The following MYO7B variants were observed in gnomAD, a reference collection of about 807,000 sequenced individuals.
The protein encoded by MYO7B is myosin VIIB.
MYO7B carries 212 observed loss-of-function variants against 259.7 expected under a neutral mutation model. The observed-to-expected ratio is 0.82, with a 90% confidence interval of 0.73 to 0.91. The LOEUF is 0.91. Among genes scored for constraint, MYO7B ranks in the 40% least tolerant of loss-of-function variants. The pLI is 0.00. For missense variants in MYO7B, 2,732 were observed against 2,813.5 expected, an observed-to-expected ratio of 0.97 and a Z score of 0.66; for synonymous variants, 1,197 against 1,166.4, an observed-to-expected ratio of 1.03 and a Z score of -0.54.
At chr2:127,555,865 C>T (rs1693614824) in intron 1 of MYO7B, among the ~76,000 whole-genome samples, 1 of 152,130 alleles carries the variant, frequency 6.6e-6, no homozygotes, top group East Asian at 1.9e-4. Context: ...ATAGAATGTA[C>T]ATTCTGTGGT....
Position 127,636,797 on chromosome 2 carries a change from C to T in MYO7B, c.6211C>T (p.Leu2071=), listed in dbSNP as rs77550275. Residue 2071 remains leucine (L), a synonymous_variant, in exon 47 of 48, where the codon CTG becomes TTG. Coordinates refer to ENST00000409816, the MANE Select transcript of MYO7B (RefSeq NM_001393586.1). The surrounding 1 kb of genome is among the most constrained non-coding windows in gnomAD (Gnocchi z 4.5). The part of the protein sequence containing the change: ...VLLIHPKTKD[L]LTTYPFTKIS... ...CACCCACCCTCTCTGCCCCCAGGACCTGCTCACCACCTATCCCTTCACCAA... is the reference window on the plus strand; with the variant it reads ...CACCCACCCTCTCTGCCCCCAGGACTTGCTCACCACCTATCCCTTCACCAA... 6.2e-7 allele frequency: 1 copy of T among 1,613,656 alleles called. No homozygotes were observed. Among genetic ancestry groups the T allele is most frequent in the Non-Finnish European group, 8.5e-7 (1 of 1,179,874 alleles).
intron 1 of MYO7B, among the ~76,000 whole-genome samples, chr2:127,553,894 T>C (rs966776868): frequency 2.6e-5 from 4 of 152,156 alleles, no homozygotes; most frequent in Non-Finnish European, 5.9e-5. Context: ...GGCTGTGGAT[T>C]TGTCATAGAT....
rs745655994 is a variant in MYO7B, at chr2:127,636,664, C to T, written c.6207+36C>T. ...GGCCTCCGGAGGGGCTGGGGGCCAC[C>T]AGGTCCAGGGACCTGTGCAGGTGGG... On this transcript the variant is annotated intron_variant, in intron 46 of 47. Coordinates refer to ENST00000409816, the MANE Select transcript of MYO7B (RefSeq NM_001393586.1). The surrounding 1 kb of genome is among the most constrained non-coding windows in gnomAD (Gnocchi z 4.5). 1.2e-6 allele frequency: 2 copies of T among 1,607,608 alleles called. No individual in the cohort carries two copies. The highest frequency in any genetic ancestry group is 1.7e-6 in the Non-Finnish European group (2 of 1,176,962).
chr2:127,543,986 C>A (rs2104798387), intron 1 of MYO7B, among the ~76,000 whole-genome samples: 1 of 152,154 alleles, frequency 6.6e-6, no homozygotes, highest in South Asian at 2.1e-4. Context: ...ACCTCGTGAT[C>A]TGCCTGCCTC....
Position 127,631,668 on chromosome 2 carries a change from A to G in MYO7B, c.5164A>G (p.Ile1722Val). The change falls in exon 38 of 48, where the codon ATC becomes GTC. Residue 1722 changes from isoleucine (I) to valine (V), a missense_variant. Ile to Val is a conservative substitution (Grantham distance 29). Transcript: ENST00000409816. ...AWPTLELTDQ[I>V]FTLALQHPAL... ...GCCCACCCTGGAGCTCACCGACCAGATCTTCACACTGGCCCTGCAGCACCC... is the reference window on the plus strand; with the variant it reads ...GCCCACCCTGGAGCTCACCGACCAGGTCTTCACACTGGCCCTGCAGCACCC... The G allele has an allele frequency of 6.2e-7, 1 of 1,613,066 alleles. No individual in the cohort carries two copies. The highest frequency in any genetic ancestry group is 8.5e-7 in the Non-Finnish European group (1 of 1,179,866).
rs771073653 is a variant in MYO7B at position 127,584,328 on chromosome 2, C to T, written c.1550C>T (p.Pro517Leu). ...ISLLDEESRF[P>L]QGTDLTMLQK... ...CTCCTGGACGAAGAAAGCCGCTTCCCGCAGGTGTGTGTTCGGGCCTGCCGA... is the reference window on the plus strand; with the variant it reads ...CTCCTGGACGAAGAAAGCCGCTTCCTGCAGGTGTGTGTTCGGGCCTGCCGA... Residue 517 changes from proline to leucine, a missense_variant, in exon 13 of 48, where the codon CCG becomes CTG. Physicochemically the swap from Pro to Leu is moderately conservative, Grantham distance 98. Around this residue, in one of 3 missense-constraint regions of MYO7B, gnomAD observed 1,906 missense variants for 2,026.4 expected, o/e 0.94. Coordinates refer to ENST00000409816, the MANE Select transcript of MYO7B (RefSeq NM_001393586.1). This position sits in a 1 kb window ranked among gnomAD's most constrained non-coding sequence, Gnocchi z 5.8. The T allele has an allele frequency of 1.1e-5, 18 of 1,613,840 alleles. No individual in the cohort carries two copies. The highest frequency in any genetic ancestry group is 6.6e-5 in the South Asian group (6 of 91,060).
At position 127,637,101 on chromosome 2, in the gene MYO7B, C is replaced by T. The variant is rs184910731; in HGVS notation, c.6327+188C>T. 354 of 1,123,056 alleles carry T rather than the reference C, an allele frequency of 3.2e-4. 2 individuals carry two copies. In the East Asian group the frequency reaches 8.0e-3, roughly 25 times the overall value. 69.6% of individuals were successfully genotyped at this position (1,123,056 alleles called of 1,614,324 possible). A position where few individuals can be genotyped will look rare whatever the true frequency, so the allele number is the denominator to read the frequency against. The stretch of plus-strand genomic sequence containing the variant: ...CAGCAGCCAAGGTGGCAAGGCCAGG[C>T]GGGACCCCCTGCGCCCTTGGCCCAT... On this transcript the variant is annotated intron_variant, in intron 47 of 47. Transcript: ENST00000409816.
In MYO7B at chr2:127,627,471, C is replaced by T. The variant is rs1239847733; in HGVS notation, c.4460+161C>T. 3.2e-5 allele frequency: 31 copies of T among 968,482 alleles called. No individual in the cohort carries two copies. Among genetic ancestry groups the T allele is most frequent in the Non-Finnish European group, 4.9e-5 (31 of 633,760 alleles). The allele number at this position is 968,482 out of a possible 1,614,324, so 60.0% of individuals were successfully genotyped here. On this transcript the variant is annotated intron_variant, in intron 33 of 47. Coordinates refer to ENST00000409816, the MANE Select transcript of MYO7B (RefSeq NM_001393586.1). The surrounding 1 kb of genome is among the most constrained non-coding windows in gnomAD (Gnocchi z 5.6). Reference sequence around the variant, plus strand: ...ATGCGATGGCTTCTGTACTTCGGAGCCCCACCCTCCTGCACCAGGCCGTAC... The same window carrying T: ...ATGCGATGGCTTCTGTACTTCGGAGTCCCACCCTCCTGCACCAGGCCGTAC...
At position 127,597,484 on chromosome 2, in the gene MYO7B, T is replaced by A. The variant is rs971509087; in HGVS notation, c.2339+928T>A. ...AACCCCAGCAACCTCTAACCTGTTC[T>A]ACATTTCTAGAATGTTGCCATTGCA... On this transcript the variant is annotated intron_variant, in intron 19 of 47. Transcript: ENST00000409816. This position sits in a 1 kb window ranked among gnomAD's most constrained non-coding sequence, Gnocchi z 4.8. Among the ~76,000 whole-genome samples the A allele has an allele frequency of 6.6e-6, 1 of 152,184 alleles. No individual in the cohort carries two copies. The highest frequency in any genetic ancestry group is 2.4e-5 in the African/African-American group (1 of 41,440).
chr2:127,567,699 G>A (rs1486458831), intron 5 of MYO7B, among the ~76,000 whole-genome samples: 1 of 152,044 alleles, frequency 6.6e-6, no homozygotes, highest in African/African-American at 2.4e-5. Flanking sequence ...TCAATCATTT[G>A]AGGTTTTGTC....
In MYO7B at chr2:127,613,022, G is replaced by A. The variant is rs948812173; in HGVS notation, c.3398+419G>A. Among the ~76,000 whole-genome samples, 15 of 152,270 alleles carry A rather than the reference G, an allele frequency of 9.9e-5. No individual in the cohort carries two copies. The highest frequency in any genetic ancestry group is 3.8e-4 in the East Asian group (2 of 5,206). Reference sequence around the variant, plus strand: ...CCCATCCGTGTTGGCTGAATGCGTAGAAGCAGAATCCGAACATGCAGAGAC... The same window carrying A: ...CCCATCCGTGTTGGCTGAATGCGTAAAAGCAGAATCCGAACATGCAGAGAC... On this transcript the variant is annotated intron_variant, in intron 26 of 47. Coordinates refer to ENST00000409816, the MANE Select transcript of MYO7B (RefSeq NM_001393586.1). The surrounding 1 kb of genome is among the most constrained non-coding windows in gnomAD (Gnocchi z 4.3).
intron 27 of MYO7B, 144 bp downstream of exon 27, chr2:127,620,610 A>G (rs1333788188): frequency 1.6e-5 from 17 of 1,060,740 alleles, no homozygotes; most frequent in Admixed American, 6.6e-5. Flanking sequence ...AGCCATGCCT[A>G]TGCTTCTCCA....
chr2:127,635,290 G>C, intron 43 of MYO7B, 64 bp downstream of exon 43: 1 of 1,476,284 alleles, frequency 6.8e-7, no homozygotes, highest in Non-Finnish European at 9.3e-7. Flanking sequence ...CTGTTCTGAG[G>C]CTGTAGAAGC....
chr2:127,593,730 C>A, intron 18 of MYO7B, 86 bp downstream of exon 18: 1 of 1,249,904 alleles, frequency 8.0e-7, no homozygotes, highest in Non-Finnish European at 1.2e-6. Context: ...GGTCCATGGT[C>A]CATGTGCCCT....
chr2:127,537,626 A>G (rs1692836090), intron 1 of MYO7B, among the ~76,000 whole-genome samples: 1 of 152,054 alleles, frequency 6.6e-6, no homozygotes. Context: ...GCTTGAGCCC[A>G]CAACATGGGG....
At chr2:127,565,158 TG>T in intron 3 of MYO7B, 74 bp from the exon 4 acceptor site, 1 of 1,542,806 alleles carries the variant, frequency 6.5e-7, no homozygotes, top group Non-Finnish European at 8.8e-7. Context: ...GCTGAGAACT[TG>T]GAGGGGAGGG....
At chr2:127,596,636 G>T in intron 19 of MYO7B, 80 bp downstream of exon 19, 1 of 1,213,120 alleles carries the variant, frequency 8.2e-7, no homozygotes, top group Non-Finnish European at 1.2e-6. Flanking sequence ...CACAAACCAG[G>T]ATCACATGTT....
At position 127,631,998 on chromosome 2, in the gene MYO7B, C is replaced by T. The variant is rs73953666; in HGVS notation, c.5249+245C>T. The stretch of plus-strand genomic sequence containing the variant: ...CTGTGTGTGACCTGGCAGGCCATGA[C>T]CTCTCTGAGCTTCAGTGTCGTCTTC... On this transcript the variant is annotated intron_variant, in intron 38 of 47. Transcript: ENST00000409816. 5.9e-3 allele frequency among the ~76,000 whole-genome samples: 902 copies of T among 152,348 alleles called. 8 individuals are homozygous for T. Among genetic ancestry groups the T allele is most frequent in the African/African-American group, 0.02 (837 of 41,578 alleles).
rs1294217085 is a variant in MYO7B, at chr2:127,628,802, AGCACTGAGAAAG to A, written c.4624+270_4624+281del. ...ATGCTCAGCGCTGCACTGCTGCAGAAGCACTGAGAAAGGCCAGCCCCCAGCCCAGGGAAGTTT... is the reference window on the plus strand; with the variant it reads ...ATGCTCAGCGCTGCACTGCTGCAGAAGCCAGCCCCCAGCCCAGGGAAGTTT... On this transcript the variant is annotated intron_variant, in intron 34 of 47. Coordinates refer to ENST00000409816, the MANE Select transcript of MYO7B (RefSeq NM_001393586.1). The surrounding 1 kb of genome is among the most constrained non-coding windows in gnomAD (Gnocchi z 4.8). Among the ~76,000 whole-genome samples, 2 of 152,228 alleles carry A rather than the reference AGCACTGAGAAAG, an allele frequency of 1.3e-5. No individual in the cohort carries two copies. Among genetic ancestry groups the A allele is most frequent in the Non-Finnish European group, 2.9e-5 (2 of 68,022 alleles).
Sources: gnomAD v4.1 joint callset for allele counts (sites outside exome capture counted in the v4.1 genomes callset) on GRCh38, gnomAD v4.1.1 for gene constraint, gnomAD v4.1.1 regional missense constraint, Gnocchi (gnomAD v3.1) non-coding constraint, MANE v1.5 for transcripts, NCBI Gene and HGNC (gene_info 2026-07-23, HGNC 2026-07-21) for gene names.